RAB8A: variants seen among roughly 807,000 people sequenced by gnomAD.
RAB8A encodes ras-related protein Rab-8A.
In RAB8A, 5 loss-of-function variants were observed where a neutral mutation model predicts 29.2. That is an observed-to-expected ratio of 0.17 (90% CI 0.09 to 0.36). The LOEUF (loss-of-function observed/expected upper bound fraction) is 0.36. RAB8A is among the 10% of genes least tolerant of loss of function. The pLI, the probability that RAB8A is intolerant of heterozygous loss-of-function variation, is 1.00. For synonymous variants in RAB8A, 108 were observed against 99.9 expected (o/e 1.08, Z -0.49); for missense variants, 171 against 272.2 (o/e 0.63, Z 2.62).
At chr19:16,123,060 C>T (rs1017615196) in intron 3 of RAB8A, among the ~76,000 whole-genome samples, 2 of 152,234 alleles carry the variant, frequency 1.3e-5, no homozygotes, top group South Asian at 2.1e-4. Context: ...TGCATTTTGG[C>T]TGTGAACCTC....
intron 1 of RAB8A, among the ~76,000 whole-genome samples, chr19:16,115,218 G>A (rs1447910635): frequency 6.6e-6 from 1 of 152,012 alleles, no homozygotes; most frequent in Non-Finnish European, 1.5e-5. Flanking sequence ...AATCCAGGAG[G>A]CAGAGGTTGC....
chr19:16,132,601 G>C lies in RAB8A; in HGVS notation c.*297G>C, dbSNP rs991396358. 1 of 385,664 alleles carries C rather than the reference G, an allele frequency of 2.6e-6. No homozygotes were observed. The highest frequency in any genetic ancestry group is 4.8e-6 in the Non-Finnish European group (1 of 206,532). 23.9% of individuals were successfully genotyped at this position (385,664 alleles called of 1,614,324 possible). A position where few individuals can be genotyped will look rare whatever the true frequency, so the allele number is the denominator to read the frequency against. Reference sequence around the variant, plus strand: ...GAGAGGGAGTCAAGGTGTGACCGTCGACCACAGCCAGTGTCAGGCCTCTGC... The same window carrying C: ...GAGAGGGAGTCAAGGTGTGACCGTCCACCACAGCCAGTGTCAGGCCTCTGC... On this transcript the variant is annotated 3_prime_UTR_variant, in exon 8 of 8. Coordinates refer to ENST00000300935, the MANE Select transcript of RAB8A (RefSeq NM_005370.5). The surrounding 1 kb of genome is among the most constrained non-coding windows in gnomAD (Gnocchi z 5.6).
At chr19:16,118,729 C>T (rs530811773) in intron 2 of RAB8A, among the ~76,000 whole-genome samples, 2 of 152,302 alleles carry the variant, frequency 1.3e-5, no homozygotes, top group South Asian at 4.1e-4. Context: ...CTCTTTTCTC[C>T]CCTGGGGCAG....
In RAB8A at chr19:16,132,081, G is replaced by T. The variant is rs1013989860; in HGVS notation, c.532-131G>T. 5 of 692,790 alleles carry T rather than the reference G, an allele frequency of 7.2e-6. No homozygotes were observed. The highest frequency in any genetic ancestry group is 1.2e-5 in the Non-Finnish European group (5 of 400,024). 42.9% of individuals were successfully genotyped at this position (692,790 alleles called of 1,614,324 possible). On this transcript the variant is annotated intron_variant, in intron 7 of 7. Transcript: ENST00000300935. The surrounding 1 kb of genome is among the most constrained non-coding windows in gnomAD (Gnocchi z 5.6). The stretch of plus-strand genomic sequence containing the variant: ...CTGGTTTGATTGGTTTGGTTGTTTG[G>T]TTGGTTGGTTGGTTGGTTGGTTGGA...
chr19:16,120,865 C>T (rs1599396325), intron 2 of RAB8A, among the ~76,000 whole-genome samples: 1 of 151,942 alleles, frequency 6.6e-6, no homozygotes. Context: ...CCCGCCTCGG[C>T]CTCTTAAAGT....
In RAB8A at chr19:16,122,957, T is replaced by G. The variant is rs1234473094; in HGVS notation, c.246+1147T>G. Among the ~76,000 whole-genome samples, 1 of 152,184 alleles carries G rather than the reference T, an allele frequency of 6.6e-6. No homozygotes were observed. The highest frequency in any genetic ancestry group is 2.4e-5 in the African/African-American group (1 of 41,440). On this transcript the variant is annotated intron_variant, in intron 3 of 7. Coordinates refer to ENST00000300935, the MANE Select transcript of RAB8A (RefSeq NM_005370.5). This position sits in a 1 kb window ranked among gnomAD's most constrained non-coding sequence, Gnocchi z 4.7. The stretch of plus-strand genomic sequence containing the variant: ...ACCTGGGGCCTGTCCCGATCTTCTC[T>G]GGGCCCAAATAGCCACCTTCCACCC...
At position 16,127,915 on chromosome 19, in the gene RAB8A, C is replaced by T. The variant is rs2090908676; in HGVS notation, c.415-111C>T. 9.2e-7 allele frequency: 1 copy of T among 1,083,764 alleles called. No individual in the cohort carries two copies. The highest frequency in any genetic ancestry group is 2.4e-5 in the East Asian group (1 of 41,024). The allele number at this position is 1,083,764 out of a possible 1,614,324, so 67.1% of individuals were successfully genotyped here. On this transcript the variant is annotated intron_variant, in intron 5 of 7. Transcript: ENST00000300935. The surrounding 1 kb of genome is among the most constrained non-coding windows in gnomAD (Gnocchi z 4.8). ...CAGGAAGTCACGCCCACAGCCCCAG[C>T]CCTGTTGCTGCTCCCTCTTGGCGCC...
Position 16,132,108 on chromosome 19 carries a change from G to A in RAB8A, c.532-104G>A. On this transcript the variant is annotated intron_variant, in intron 7 of 7. Transcript: ENST00000300935. The surrounding 1 kb of genome is among the most constrained non-coding windows in gnomAD (Gnocchi z 5.6). ...TGGTTGGTTGGTTGGTTGGTTGGAT[G>A]GTTGGATGGATGGTTAGGTGGATGG... The A allele has an allele frequency of 2.2e-6, 2 of 920,182 alleles. No individual in the cohort carries two copies. The highest frequency in any genetic ancestry group is 3.5e-6 in the Non-Finnish European group (2 of 579,384). The allele number at this position is 920,182 out of a possible 1,614,324, so 57.0% of individuals were successfully genotyped here. A position where few individuals can be genotyped will look rare whatever the true frequency, so the allele number is the denominator to read the frequency against.
In RAB8A at chr19:16,129,488, G is replaced by A. The variant is rs41278190; in HGVS notation, c.481-66G>A. On this transcript the variant is annotated intron_variant, in intron 6 of 7. Transcript: ENST00000300935. ...GGGAAGCTGTCTCACCACACCCGCTGTACACGGGCGGCTGAGGACTCAGGG... is the reference window on the plus strand; with the variant it reads ...GGGAAGCTGTCTCACCACACCCGCTATACACGGGCGGCTGAGGACTCAGGG... The A allele has an allele frequency of 6.0e-3, 9,113 of 1,519,728 alleles. 42 individuals are homozygous for A. Among genetic ancestry groups the A allele is most frequent in the Admixed American group, 7.1e-3 (424 of 59,860 alleles). The allele number at this position is 1,519,728 out of a possible 1,614,324, so 94.1% of individuals were successfully genotyped here. A position where few individuals can be genotyped will look rare whatever the true frequency, so the allele number is the denominator to read the frequency against.
intron 1 of RAB8A, among the ~76,000 whole-genome samples, chr19:16,114,305 A>G (rs144335784): frequency 4.7e-4 from 71 of 151,202 alleles, no homozygotes; most frequent in African/African-American, 1.7e-3. Flanking sequence ...GAAAGAAATG[A>G]TGTTAACTGT....
chr19:16,127,963 T>C lies in RAB8A; in HGVS notation c.415-63T>C, dbSNP rs764640773. ...GCCGGCCCTGCCTTCAGCTCCTGTT[T>C]TAGGCAAGCTCAGATGCGCCCGGCG... is the stretch of plus-strand genomic sequence containing the variant. On this transcript the variant is annotated intron_variant, in intron 5 of 7. Coordinates refer to ENST00000300935, the MANE Select transcript of RAB8A (RefSeq NM_005370.5). The surrounding 1 kb of genome is among the most constrained non-coding windows in gnomAD (Gnocchi z 4.8). 2 of 1,564,358 alleles carry C rather than the reference T, an allele frequency of 1.3e-6. No homozygotes were observed. Among genetic ancestry groups the C allele is most frequent in the South Asian group, 2.2e-5 (2 of 90,054 alleles).
chr19:16,118,426 A>G (rs1862603), intron 2 of RAB8A, 140 bp downstream of exon 2: 112,264 of 746,740 alleles, frequency 0.15, 10,192 homozygotes, highest in East Asian at 0.31. Context: ...GGCTTTCTCC[A>G]GAAGCTCCTG....
intron 2 of RAB8A, among the ~76,000 whole-genome samples, chr19:16,121,030 C>T (rs1372643845): frequency 2.0e-5 from 3 of 151,764 alleles, no homozygotes; most frequent in African/African-American, 7.3e-5. Flanking sequence ...AGTTCTCCTG[C>T]CTCAGCCTCC....
chr19:16,128,612 GTC>G (rs1272166226), intron 6 of RAB8A, among the ~76,000 whole-genome samples: 1 of 152,170 alleles, frequency 6.6e-6, no homozygotes, highest in African/African-American at 2.4e-5. Context: ...CCGACCTAAA[GTC>G]TCTATGCTGA....
intron 3 of RAB8A, chr19:16,124,899 T>G (rs2090892096): frequency 5.8e-6 from 1 of 173,864 alleles, no homozygotes; most frequent in African/African-American, 2.4e-5. Flanking sequence ...ACGTCTAGGT[T>G]AGGGAACTGG....
chr19:16,123,063 T>C (rs1011994312), intron 3 of RAB8A, among the ~76,000 whole-genome samples: 2 of 152,238 alleles, frequency 1.3e-5, no homozygotes, highest in Non-Finnish European at 2.9e-5. Context: ...ATTTTGGCTG[T>C]GAACCTCTTT....
rs202121639 is a variant in RAB8A at position 16,133,453 on chromosome 19, CTT to C, written c.*1161_*1162del. The C allele has an allele frequency of 2.1e-5, 3 of 144,956 alleles. No homozygotes were observed. Among genetic ancestry groups the C allele is most frequent in the Non-Finnish European group, 3.0e-5 (2 of 65,884 alleles). 9.0% of individuals were successfully genotyped at this position (144,956 alleles called of 1,614,324 possible). On this transcript the variant is annotated 3_prime_UTR_variant, in exon 8 of 8. Transcript: ENST00000300935. ...TCACCAGCCTTTTCTTTTTTTCTTT[CTT>C]TTTTTTTTTTTCCTCCTTAAGCTGC...
At position 16,122,365 on chromosome 19, in the gene RAB8A, G is replaced by T. The variant is rs1208533115; in HGVS notation, c.246+555G>T. On this transcript the variant is annotated intron_variant, in intron 3 of 7. Transcript: ENST00000300935. This position sits in a 1 kb window ranked among gnomAD's most constrained non-coding sequence, Gnocchi z 4.7. ...GGCCAGGGATGGGACGAGGTCCTGT[G>T]TCAGGGGCCCTGTGTGTACATGGCA... 6.6e-6 allele frequency among the ~76,000 whole-genome samples: 1 copy of T among 152,204 alleles called. No homozygotes were observed. The highest frequency in any genetic ancestry group is 1.5e-5 in the Non-Finnish European group (1 of 68,024).
chr19:16,127,993 G>C lies in RAB8A; in HGVS notation c.415-33G>C. ...CAAGCTCAGATGCGCCCGGCGGCTGGTGTGCTCATGCGTGTGCCTCCCTCT... is the reference window on the plus strand; with the variant it reads ...CAAGCTCAGATGCGCCCGGCGGCTGCTGTGCTCATGCGTGTGCCTCCCTCT... On this transcript the variant is annotated intron_variant, in intron 5 of 7. Transcript: ENST00000300935. This position sits in a 1 kb window ranked among gnomAD's most constrained non-coding sequence, Gnocchi z 4.8. 1.2e-6 allele frequency: 2 copies of C among 1,610,904 alleles called. No homozygotes were observed. The highest frequency in any genetic ancestry group is 1.7e-6 in the Non-Finnish European group (2 of 1,177,056).
Sources: gnomAD v4.1 joint callset for allele counts (sites outside exome capture counted in the v4.1 genomes callset) on GRCh38, gnomAD v4.1.1 for gene constraint, Gnocchi (gnomAD v3.1) non-coding constraint, MANE v1.5 for transcripts, NCBI Gene and HGNC (gene_info 2026-07-23, HGNC 2026-07-21) for gene names.